C1orf50: variants seen among roughly 807,000 people sequenced by gnomAD.
The protein encoded by C1orf50 is uncharacterized protein C1orf50.
C1orf50 carries 22 observed loss-of-function variants against 23.3 expected under a neutral mutation model. That is an observed-to-expected ratio of 0.94 (90% CI 0.67 to 1.35). C1orf50 has a LOEUF of 1.35. Among genes scored for constraint, C1orf50 ranks in the 40% most tolerant of loss-of-function variants. The pLI is 0.00. For missense variants in C1orf50, 271 were observed against 249.4 expected (o/e 1.09, Z -0.58); for synonymous variants, 96 against 102.4 (o/e 0.94, Z 0.38).
intron 2 of C1orf50, among the ~76,000 whole-genome samples, chr1:42,768,843 C>T (rs889243872): frequency 3.9e-5 from 6 of 152,032 alleles, no homozygotes; most frequent in African/African-American, 1.4e-4. Context: ...ATCCTATAAT[C>T]TTATGAAATA....
intron 3 of C1orf50, 81 bp downstream of exon 3, chr1:42,773,730 A>G (rs1653272721): frequency 1.2e-6 from 1 of 865,416 alleles, no homozygotes; most frequent in South Asian, 1.5e-5. Context: ...AATCGTTGTG[A>G]CTTTTTATGT....
At position 42,779,342 on chromosome 1, in the gene C1orf50, A is replaced by C. The variant is rs577496098; in HGVS notation, c.*3948A>C. ...CAGTGAGCCGAGATTGCACCACTGC[A>C]CTCCAACTTGGGCAACAGAGCAAGA... On this transcript the variant is annotated 3_prime_UTR_variant, in exon 5 of 5. Coordinates refer to ENST00000372525, the MANE Select transcript of C1orf50 (RefSeq NM_024097.4). The C allele has an allele frequency of 4.0e-5, 6 of 149,200 alleles. No homozygotes were observed. Among genetic ancestry groups the C allele is most frequent in the Non-Finnish European group, 7.4e-5 (5 of 67,646 alleles). 9.2% of individuals were successfully genotyped at this position (149,200 alleles called of 1,614,324 possible).
chr1:42,773,499 G>T (rs1416039044), intron 2 of C1orf50, 64 bp from the exon 3 acceptor site: 6 of 1,012,912 alleles, frequency 5.9e-6, no homozygotes, highest in Non-Finnish European at 9.1e-6. Context: ...CTGGGATCAA[G>T]ATAAGAACAT....
chr1:42,776,803 C>G lies in C1orf50; in HGVS notation c.*1409C>G, dbSNP rs531684166. 6.6e-6 allele frequency: 1 copy of G among 152,268 alleles called. No homozygotes were observed. The highest frequency in any genetic ancestry group is 1.5e-5 in the Non-Finnish European group (1 of 68,050). 9.4% of individuals were successfully genotyped at this position (152,268 alleles called of 1,614,324 possible). A position where few individuals can be genotyped will look rare whatever the true frequency, so the allele number is the denominator to read the frequency against. On this transcript the variant is annotated 3_prime_UTR_variant, in exon 5 of 5. Transcript: ENST00000372525. ...TGGATTCTGACTACAGAAAGTTTCC[C>G]AGGTTTTCAGAAGGTTCTGACCTGC...
chr1:42,767,911 C>T (rs1167736776), intron 2 of C1orf50, among the ~76,000 whole-genome samples: 1 of 152,180 alleles, frequency 6.6e-6, no homozygotes, highest in East Asian at 1.9e-4. Context: ...TTAGGACAGC[C>T]TTGTGAGGTA....
In C1orf50 at chr1:42,774,887, T is replaced by G; in HGVS notation, c.414+19T>G. ...TCCAAAGGTAAGAACATACATTGTT[T>G]GCCCAAAAATCTACTCCAGCCTCTG... is the stretch of plus-strand genomic sequence containing the variant. On this transcript the variant is annotated intron_variant, in intron 4 of 4. Transcript: ENST00000372525. 6.3e-7 allele frequency: 1 copy of G among 1,595,468 alleles called. No homozygotes were observed. The highest frequency in any genetic ancestry group is 8.6e-7 in the Non-Finnish European group (1 of 1,168,532).
Position 42,778,997 on chromosome 1 carries a change from T to G in C1orf50, c.*3603T>G. The G allele has an allele frequency of 9.0e-6, 1 of 111,332 alleles. No individual in the cohort carries two copies. The highest frequency in any genetic ancestry group is 3.3e-5 in the African/African-American group (1 of 30,386). 6.9% of individuals were successfully genotyped at this position (111,332 alleles called of 1,614,324 possible). ...CTTCCCCCCCCCCCCCCCCCACATT[T>G]TGGTGTCTGTCAAACTTGGACACTT... On this transcript the variant is annotated 3_prime_UTR_variant, in exon 5 of 5. Coordinates refer to ENST00000372525, the MANE Select transcript of C1orf50 (RefSeq NM_024097.4).
chr1:42,769,901 C>G (rs910518593), intron 2 of C1orf50: 1 of 152,208 alleles, frequency 6.6e-6, no homozygotes, highest in African/African-American at 2.4e-5. Context: ...GTTCAGAAAG[C>G]TCAGGAGGCC....
rs961077851 is a variant in C1orf50 at position 42,774,750 on chromosome 1, C to G, written c.296C>G (p.Ala99Gly). 2 of 1,611,556 alleles carry G rather than the reference C, an allele frequency of 1.2e-6. No homozygotes were observed. The highest frequency in any genetic ancestry group is 1.7e-6 in the Non-Finnish European group (2 of 1,178,060). The part of the protein sequence containing the change: ...QEQARKVLED[A>G]HRDANLHHVA... ...TGTGATTCATAGGTACTGGAAGATG[C>G]TCACAGAGATGCCAACCTGCACCAT... Residue 99 changes from alanine to glycine, a missense_variant, in exon 4 of 5, where the codon GCT becomes GGT. Ala to Gly is a moderately conservative substitution (Grantham distance 60). Transcript: ENST00000372525.
rs1329295015 is a variant in C1orf50 at position 42,776,264 on chromosome 1, A to C, written c.*870A>C. 6.6e-6 allele frequency: 1 copy of C among 152,248 alleles called. No homozygotes were observed. Among genetic ancestry groups the C allele is most frequent in the East Asian group, 1.9e-4 (1 of 5,200 alleles). 9.4% of individuals were successfully genotyped at this position (152,248 alleles called of 1,614,324 possible). A position where few individuals can be genotyped will look rare whatever the true frequency, so the allele number is the denominator to read the frequency against. On this transcript the variant is annotated 3_prime_UTR_variant, in exon 5 of 5. Coordinates refer to ENST00000372525, the MANE Select transcript of C1orf50 (RefSeq NM_024097.4). The stretch of plus-strand genomic sequence containing the variant: ...AGCAAGAAAAACAGCCAAATTGTTG[A>C]CTGTGAGTTAACTCAGATTGAAATC...
At chr1:42,770,436 T>C (rs568159612) in intron 2 of C1orf50, among the ~76,000 whole-genome samples, 1 of 143,106 alleles carries the variant, frequency 7.0e-6, no homozygotes, top group South Asian at 2.2e-4. Context: ...TCTTTCTTTC[T>C]TTTTTTTTTT....
intron 2 of C1orf50, among the ~76,000 whole-genome samples, chr1:42,771,752 C>T (rs1018538701): frequency 4.6e-5 from 7 of 152,000 alleles, no homozygotes; most frequent in African/African-American, 1.4e-4. Context: ...CTGAGGCAGG[C>T]GTATCACTTG....
In C1orf50 at chr1:42,774,817, T is replaced by C; in HGVS notation, c.363T>C (p.Tyr121=). 1 of 1,613,656 alleles carries C rather than the reference T, an allele frequency of 6.2e-7. No homozygotes were observed. Among genetic ancestry groups the C allele is most frequent in the East Asian group, 2.2e-5 (1 of 44,890 alleles). Residue 121 remains tyrosine (Y), a synonymous_variant, in exon 4 of 5, where the codon TAT becomes TAC. Transcript: ENST00000372525. ...TGAAAAAACCTGGCAACATTTACTA[T>C]CTCTATAAACGGGAGAGTGGTCAGC... ...NIVKKPGNIY[Y]LYKRESGQQY...
rs78939910 is a variant in C1orf50, at chr1:42,777,709, A to T, written c.*2315A>T. ...CAGACATCATTGAATCATTGAACAG[A>T]TCCTAGAATCTATCTGCCACAGTGC... is the stretch of plus-strand genomic sequence containing the variant. On this transcript the variant is annotated 3_prime_UTR_variant, in exon 5 of 5. Transcript: ENST00000372525. 1 of 152,174 alleles carries T rather than the reference A, an allele frequency of 6.6e-6. No homozygotes were observed. The highest frequency in any genetic ancestry group is 1.5e-5 in the Non-Finnish European group (1 of 68,044). The allele number at this position is 152,174 out of a possible 1,614,324, so 9.4% of individuals were successfully genotyped here. A position where few individuals can be genotyped will look rare whatever the true frequency, so the allele number is the denominator to read the frequency against.
In C1orf50 at chr1:42,775,626, A is replaced by C; in HGVS notation, c.*232A>C. On this transcript the variant is annotated 3_prime_UTR_variant, in exon 5 of 5. Coordinates refer to ENST00000372525, the MANE Select transcript of C1orf50 (RefSeq NM_024097.4). ...TGGACCACAGATACCCAAGTCAGTC[A>C]GTTTCAGAGTATTGGCCAGTGTACT... is the stretch of plus-strand genomic sequence containing the variant. 1 of 417,372 alleles carries C rather than the reference A, an allele frequency of 2.4e-6. No homozygotes were observed. The highest frequency in any genetic ancestry group is 6.2e-5 in the South Asian group (1 of 16,138). 25.9% of individuals were successfully genotyped at this position (417,372 alleles called of 1,614,324 possible). A position where few individuals can be genotyped will look rare whatever the true frequency, so the allele number is the denominator to read the frequency against.
intron 2 of C1orf50, 125 bp downstream of exon 2, chr1:42,767,749 AC>A: frequency 1.2e-6 from 1 of 844,730 alleles, no homozygotes; most frequent in South Asian, 1.7e-5. Context: ...CATTTTACAG[AC>A]GAGTAAAGCC....
chr1:42,768,525 CT>C (rs200121617), intron 2 of C1orf50, among the ~76,000 whole-genome samples: 7 of 150,170 alleles, frequency 4.7e-5, no homozygotes, highest in African/African-American at 9.9e-5. Context: ...CCTCACATCT[CT>C]TTTTTTTTCA....
chr1:42,773,756 G>T, intron 3 of C1orf50, 107 bp downstream of exon 3: 2 of 662,566 alleles, frequency 3.0e-6, no homozygotes, highest in South Asian at 3.6e-5. Flanking sequence ...ATACCTCCTA[G>T]AAATGTAGAG....
intron 2 of C1orf50, among the ~76,000 whole-genome samples, chr1:42,772,119 C>A (rs561761115): frequency 1.1e-4 from 17 of 152,282 alleles, no homozygotes; most frequent in African/African-American, 3.6e-4. Flanking sequence ...GCAGGGACTT[C>A]TCTTTCCTGT....
Sources: allele counts gnomAD v4.1 joint callset (sites outside exome capture counted in the v4.1 genomes callset), GRCh38; gene constraint gnomAD v4.1.1; transcripts MANE v1.5; gene names NCBI Gene and HGNC (gene_info 2026-07-23, HGNC 2026-07-21).